Variants in ADAMTS3 observed in about 807,000 individuals in gnomAD.
ADAMTS3 encodes the protein ADAM metallopeptidase with thrombospondin type 1 motif 3.
Under a neutral mutation model 129.0 loss-of-function variants are expected in ADAMTS3, and 73 were observed. The ratio of observed to expected loss-of-function variants is 0.57; its 90% CI spans 0.47 to 0.69. The LOEUF (loss-of-function observed/expected upper bound fraction) is 0.69, where lower values mean the gene tolerates loss of function less well. ADAMTS3 is among the 30% of genes least tolerant of loss of function. ADAMTS3 has a pLI of 0.00. For synonymous variants in ADAMTS3, 477 were observed against 510.8 expected, an observed-to-expected ratio of 0.93 and a Z score of 0.89; for missense variants, 1,457 against 1,514.5, an observed-to-expected ratio of 0.96 and a Z score of 0.63.
intron 2 of ADAMTS3, among the ~76,000 whole-genome samples, chr4:72,561,858 T>C (rs1451501334): frequency 2.6e-5 from 4 of 152,236 alleles, no homozygotes; most frequent in Non-Finnish European, 5.9e-5. Flanking sequence ...GTGGCAATCA[T>C]TTTCATAAAC....
intron 4 of ADAMTS3, among the ~76,000 whole-genome samples, chr4:72,379,625 T>G (rs1271568687): frequency 6.6e-6 from 1 of 152,118 alleles, no homozygotes; most frequent in Non-Finnish European, 1.5e-5. Context: ...AATATTGGAT[T>G]CAAGTTTTGC....
intron 3 of ADAMTS3, among the ~76,000 whole-genome samples, chr4:72,529,861 TATATA>T (rs1720925171): frequency 1.3e-5 from 1 of 79,822 alleles, no homozygotes; most frequent in Non-Finnish European, 2.2e-5. Context: ...TAATATATAA[TATATA>T]ATATAAATTA....
intron 3 of ADAMTS3, among the ~76,000 whole-genome samples, chr4:72,444,989 T>C (rs1718214337): frequency 6.6e-6 from 1 of 151,602 alleles, no homozygotes; most frequent in African/African-American, 2.4e-5. Flanking sequence ...TTGTCTAGTG[T>C]AGGCAAATCC....
intron 4 of ADAMTS3, among the ~76,000 whole-genome samples, chr4:72,411,794 T>C (rs897505860): frequency 2.6e-5 from 4 of 152,130 alleles, no homozygotes; most frequent in African/African-American, 9.7e-5. Flanking sequence ...GAGAATTCTC[T>C]AGTCTTCTAG....
chr4:72,401,718 T>C (rs1236327966), intron 4 of ADAMTS3, among the ~76,000 whole-genome samples: 3 of 152,048 alleles, frequency 2.0e-5, no homozygotes. Context: ...GATGTAGTTG[T>C]GATTTAAGAA....
chr4:72,344,651 C>T (rs1720232035), intron 4 of ADAMTS3, among the ~76,000 whole-genome samples: 2 of 152,224 alleles, frequency 1.3e-5, no homozygotes, highest in South Asian at 4.2e-4. Context: ...TATGACTCCT[C>T]AAAGGAAGAC....
rs1188553537 is a variant in ADAMTS3 at position 72,291,183 on chromosome 4, A to G, written c.2724-121T>C. 4 of 926,926 alleles carry G rather than the reference A, an allele frequency of 4.3e-6. No homozygotes were observed. In the African/African-American group the frequency reaches 6.6e-5, roughly 15 times the overall value. 57.4% of individuals were successfully genotyped at this position (926,926 alleles called of 1,614,324 possible). On this transcript the variant is annotated intron_variant, in intron 19 of 21. Transcript: ENST00000286657. Reference sequence around the variant, plus strand: ...ACTTGCAACCTAGTGGGCACACTGCAGTTCAGGAAGTGGTTTCAGAAAGAT... The same window carrying G: ...ACTTGCAACCTAGTGGGCACACTGCGGTTCAGGAAGTGGTTTCAGAAAGAT...
chr4:72,299,831 G>A (rs1718905774), intron 17 of ADAMTS3, among the ~76,000 whole-genome samples: 1 of 152,004 alleles, frequency 6.6e-6, no homozygotes, highest in South Asian at 2.1e-4. Context: ...CTCCTAATCT[G>A]TGCACTAAAG....
chr4:72,333,573 CGAGA>C lies in ADAMTS3; in HGVS notation c.861+5917_861+5920del, dbSNP rs1719905340. Among the ~76,000 whole-genome samples the C allele has an allele frequency of 3.3e-5, 5 of 152,070 alleles. No individual in the cohort carries two copies. The South Asian group carries it at 1.0e-3, about 32-fold the overall frequency. ...CCTCTTCAATTTTTCTTTACAAGGC[CGAGA>C]GAAGCAGGAACCGACCCTCAGTGGC... On this transcript the variant is annotated intron_variant, in intron 5 of 21. Coordinates refer to ENST00000286657, the MANE Select transcript of ADAMTS3 (RefSeq NM_014243.3).
chr4:72,514,628 T>C (rs1720406755), intron 3 of ADAMTS3, among the ~76,000 whole-genome samples: 1 of 152,136 alleles, frequency 6.6e-6, no homozygotes, highest in Admixed American at 6.6e-5. Flanking sequence ...CTGTAGTTAG[T>C]ATTCACTACC....
At chr4:72,295,016 T>C (rs1718769572) in intron 19 of ADAMTS3, among the ~76,000 whole-genome samples, 1 of 152,012 alleles carries the variant, frequency 6.6e-6, no homozygotes, top group Admixed American at 6.6e-5. Context: ...TACTTGGATG[T>C]TTAGTATTTT....
intron 19 of ADAMTS3, among the ~76,000 whole-genome samples, chr4:72,294,907 AG>A (rs1458726423): frequency 2.0e-5 from 3 of 152,044 alleles, no homozygotes; most frequent in Admixed American, 6.6e-5. Context: ...AGGAAACCCT[AG>A]GATGAAAGCT....
At chr4:72,464,535 A>C (rs1402064027) in intron 3 of ADAMTS3, among the ~76,000 whole-genome samples, 1 of 152,060 alleles carries the variant, frequency 6.6e-6, no homozygotes, top group Non-Finnish European at 1.5e-5. Flanking sequence ...TTTTTAACTA[A>C]ATTTAAAAGA....
chr4:72,456,561 C>G (rs577652156), intron 3 of ADAMTS3, among the ~76,000 whole-genome samples: 1 of 150,698 alleles, frequency 6.6e-6, no homozygotes, highest in African/African-American at 2.4e-5. Context: ...GTTTAAATAT[C>G]TGCTATATCA....
At chr4:72,380,186 T>C (rs1479577518) in intron 4 of ADAMTS3, among the ~76,000 whole-genome samples, 2 of 152,148 alleles carry the variant, frequency 1.3e-5, no homozygotes, top group African/African-American at 2.4e-5. Flanking sequence ...TTTAAGTGGA[T>C]ATCCTAAGAA....
At chr4:72,288,086 G>A (rs1718558496) in intron 21 of ADAMTS3, among the ~76,000 whole-genome samples, 1 of 152,054 alleles carries the variant, frequency 6.6e-6, no homozygotes, top group Non-Finnish European at 1.5e-5. Context: ...GGCTGGTCTC[G>A]AACTCCTGAC....
chr4:72,457,422 C>G (rs1418728029), intron 3 of ADAMTS3, among the ~76,000 whole-genome samples: 1 of 151,568 alleles, frequency 6.6e-6, no homozygotes, highest in African/African-American at 2.4e-5. Flanking sequence ...TGAGAACTAC[C>G]TCAAATTAGA....
chr4:72,376,214 T>A (rs894745698), intron 4 of ADAMTS3, among the ~76,000 whole-genome samples: 1 of 152,240 alleles, frequency 6.6e-6, no homozygotes. Context: ...TTATGAACAA[T>A]GGGGATTTAT....
At chr4:72,378,985 A>G (rs1278294813) in intron 4 of ADAMTS3, among the ~76,000 whole-genome samples, 1 of 152,142 alleles carries the variant, frequency 6.6e-6, no homozygotes, top group Non-Finnish European at 1.5e-5. Context: ...CTCAGCTGCT[A>G]GAGACTTTCC....
Sources: gnomAD v4.1 joint callset for allele counts (sites outside exome capture counted in the v4.1 genomes callset) on GRCh38, gnomAD v4.1.1 for gene constraint, MANE v1.5 for transcripts, NCBI Gene and HGNC (gene_info 2026-07-23, HGNC 2026-07-21) for gene names.